The following ZNF76 variants were observed in gnomAD, a reference collection of about 807,000 sequenced individuals.
ZNF76 encodes the protein zinc finger protein 523.
Under a neutral mutation model 66.9 loss-of-function variants are expected in ZNF76, and 66 were observed. The observed-to-expected ratio is 0.99, with a 90% CI of 0.81 to 1.21. ZNF76 has a LOEUF of 1.21. Among genes scored for constraint, ZNF76 ranks in the 50% most tolerant of loss-of-function variants. ZNF76 has a pLI of 0.00. For synonymous variants in ZNF76, 275 were observed against 296.1 expected (o/e 0.93, Z 0.73); for missense variants, 729 against 760.3 (o/e 0.96, Z 0.48).
chr6:35,290,417 G>A, intron 6 of ZNF76, 35 bp downstream of exon 6: 4 of 1,609,540 alleles, frequency 2.5e-6, no homozygotes, highest in Non-Finnish European at 3.4e-6. Context: ...CAGCTCTGCA[G>A]TCTTCCCTCC....
chr6:35,267,018 C>A (rs1391235941), intron 1 of ZNF76, among the ~76,000 whole-genome samples: 1 of 151,930 alleles, frequency 6.6e-6, no homozygotes, highest in Non-Finnish European at 1.5e-5. Context: ...CCAGGATGGT[C>A]TCTATCTCCT....
intron 1 of ZNF76, among the ~76,000 whole-genome samples, chr6:35,269,239 C>G (rs1786619333): frequency 7.0e-6 from 1 of 143,822 alleles, no homozygotes; most frequent in African/African-American, 2.6e-5. Context: ...TAAGATCATG[C>G]CATTGCACTC....
In ZNF76 at chr6:35,290,695, T is replaced by C; in HGVS notation, c.604T>C (p.Cys202Arg). The change falls in exon 7 of 14, where the codon TGT (cysteine) becomes CGT (arginine). Residue 202 changes from cysteine (C) to arginine (R), a missense_variant. By Grantham distance (180) the Cys-to-Arg change is radical. Coordinates refer to ENST00000373953, the MANE Select transcript of ZNF76 (RefSeq NM_003427.5). ...DRPYRCDFPSCGKAFATGYGL... is the reference protein window; with the variant it reads ...DRPYRCDFPSRGKAFATGYGL... ...TCCATACAGATGTGACTTCCCCAGC[T>C]GTGGAAAGGCCTTTGCCACAGGTAA... is the stretch of plus-strand genomic sequence containing the variant. The C allele has an allele frequency of 3.1e-6, 5 of 1,614,240 alleles. No individual in the cohort carries two copies. Among genetic ancestry groups the C allele is most frequent in the Non-Finnish European group, 3.4e-6 (4 of 1,180,044 alleles).
chr6:35,280,997 T>G (rs1788694692), intron 1 of ZNF76, 59 bp from the exon 2 acceptor site: 3 of 722,262 alleles, frequency 4.2e-6, no homozygotes, highest in Non-Finnish European at 7.3e-6. Flanking sequence ...CTTCCCTGAG[T>G]GTCTTTGCGA....
At chr6:35,266,797 CTTTTTTT>C (rs57833954) in intron 1 of ZNF76, among the ~76,000 whole-genome samples, 6 of 93,280 alleles carry the variant, frequency 6.4e-5, no homozygotes, top group African/African-American at 8.4e-5. Flanking sequence ...TTGTCTATTT[CTTTTTTT>C]TTTTTTTTTT....
intron 7 of ZNF76, 178 bp downstream of exon 7, chr6:35,290,894 G>T: frequency 1.5e-6 from 1 of 648,016 alleles, no homozygotes. Flanking sequence ...AAGGCAGCAT[G>T]GTTCAGGCCA....
chr6:35,276,055 A>G (rs1433152190), intron 1 of ZNF76, among the ~76,000 whole-genome samples: 1 of 152,224 alleles, frequency 6.6e-6, no homozygotes, highest in Non-Finnish European at 1.5e-5. Flanking sequence ...ACAAGGTACT[A>G]TACCTCTAAG....
At chr6:35,270,082 C>T (rs572933459) in intron 1 of ZNF76, among the ~76,000 whole-genome samples, 1 of 152,184 alleles carries the variant, frequency 6.6e-6, no homozygotes, top group Non-Finnish European at 1.5e-5. Context: ...TTTAGACTTT[C>T]TATTTTTAAT....
At chr6:35,274,871 C>T (rs1489468573) in intron 1 of ZNF76, among the ~76,000 whole-genome samples, 2 of 152,158 alleles carry the variant, frequency 1.3e-5, no homozygotes, top group Admixed American at 6.5e-5. Flanking sequence ...AAAAGTGCAG[C>T]AGGCCGGGTG....
At position 35,287,111 on chromosome 6, in the gene ZNF76, A is replaced by G. The variant is rs1283134272; in HGVS notation, c.233-535A>G. ...GGGGGAAGAAAGAACAGCACATTCC[A>G]GGAACTGCTAGGAGCTAGAGCCCTG... On this transcript the variant is annotated intron_variant, in intron 4 of 13. Coordinates refer to ENST00000373953, the MANE Select transcript of ZNF76 (RefSeq NM_003427.5). This position sits in a 1 kb window ranked among gnomAD's most constrained non-coding sequence, Gnocchi z 4.0. Among the ~76,000 whole-genome samples, 1 of 152,200 alleles carries G rather than the reference A, an allele frequency of 6.6e-6. No homozygotes were observed. Among genetic ancestry groups the G allele is most frequent in the Non-Finnish European group, 1.5e-5 (1 of 68,034 alleles).
At chr6:35,268,702 G>C (rs1279783392) in intron 1 of ZNF76, among the ~76,000 whole-genome samples, 1 of 151,612 alleles carries the variant, frequency 6.6e-6, no homozygotes, top group Non-Finnish European at 1.5e-5. Context: ...GGACCCAGGA[G>C]GCGGAGGTTG....
In ZNF76 at chr6:35,295,428, G is replaced by A. The variant is rs1791058076; in HGVS notation, c.*180G>A. ...AATGGGGGCCCTGCTCAAGAAGGGGGCCAGGCAGCTGGAATCAGGGGAGTG... is the reference window on the plus strand; with the variant it reads ...AATGGGGGCCCTGCTCAAGAAGGGGACCAGGCAGCTGGAATCAGGGGAGTG... On this transcript the variant is annotated 3_prime_UTR_variant, in exon 14 of 14. Coordinates refer to ENST00000373953, the MANE Select transcript of ZNF76 (RefSeq NM_003427.5). The A allele has an allele frequency of 2.3e-5, 15 of 660,014 alleles. No individual in the cohort carries two copies. The highest frequency in any genetic ancestry group is 3.2e-5 in the South Asian group (2 of 62,744). The allele number at this position is 660,014 out of a possible 1,614,324, so 40.9% of individuals were successfully genotyped here.
chr6:35,274,548 GA>G (rs1445031018), intron 1 of ZNF76, among the ~76,000 whole-genome samples: 1 of 152,074 alleles, frequency 6.6e-6, no homozygotes, highest in Non-Finnish European at 1.5e-5. Context: ...TTGATTCATG[GA>G]GAGACCTAAA....
In ZNF76 at chr6:35,261,994, A is replaced by G. The variant is rs961105111; in HGVS notation, c.-97+2153A>G. Among the ~76,000 whole-genome samples, 15 of 152,226 alleles carry G rather than the reference A, an allele frequency of 9.9e-5. 1 individual carries two copies. The highest frequency in any genetic ancestry group is 8.5e-4 in the Admixed American group (13 of 15,290). On this transcript the variant is annotated intron_variant, in intron 1 of 13. Coordinates refer to ENST00000373953, the MANE Select transcript of ZNF76 (RefSeq NM_003427.5). ...AACAGATTTAATAAGAGAAGATTAT[A>G]TACATTTATTTAATGTAAGTTTTAT...
chr6:35,290,561 G>T (rs960808971), intron 6 of ZNF76, 80 bp from the exon 7 acceptor site: 94 of 1,556,630 alleles, frequency 6.0e-5, no homozygotes, highest in Non-Finnish European at 7.9e-5. Context: ...GGAGGGAAGA[G>T]AATCAGGGTC....
At position 35,291,726 on chromosome 6, in the gene ZNF76, G is replaced by T; in HGVS notation, c.920G>T (p.Arg307Leu). The change falls in exon 9 of 14, where the codon CGC (arginine) becomes CTC (leucine). Residue 307 changes from arginine (R) to leucine (L), a missense_variant. Coordinates refer to ENST00000373953, the MANE Select transcript of ZNF76 (RefSeq NM_003427.5). The stretch of plus-strand genomic sequence containing the variant: ...GCCACCAACTATAAGAATCACGTGC[G>T]CATCCACACAGGTGGGCTAGCTGGC... ...TSATNYKNHV[R>L]IHTGEKPYVC... is the part of the protein sequence containing the mutation. 2 of 1,608,518 alleles carry T rather than the reference G, an allele frequency of 1.2e-6. No homozygotes were observed. The highest frequency in any genetic ancestry group is 1.7e-6 in the Non-Finnish European group (2 of 1,179,976).
chr6:35,265,755 A>G (rs1181292636), intron 1 of ZNF76, among the ~76,000 whole-genome samples: 1 of 152,084 alleles, frequency 6.6e-6, no homozygotes, highest in African/African-American at 2.4e-5. Flanking sequence ...AAGCCAGCCA[A>G]TACGGCTGCA....
chr6:35,291,735 C>G lies in ZNF76; in HGVS notation c.929C>G (p.Thr310Arg), dbSNP rs1582189339. 6.2e-7 allele frequency: 1 copy of G among 1,607,012 alleles called. No individual in the cohort carries two copies. The highest frequency in any genetic ancestry group is 8.5e-7 in the Non-Finnish European group (1 of 1,179,980). Reference protein sequence around the residue: ...TNYKNHVRIHTGEKPYVCTVP... With the variant: ...TNYKNHVRIHRGEKPYVCTVP... ...TATAAGAATCACGTGCGCATCCACACAGGTGGGCTAGCTGGCATGCGAGGA... is the reference window on the plus strand; with the variant it reads ...TATAAGAATCACGTGCGCATCCACAGAGGTGGGCTAGCTGGCATGCGAGGA... Residue 310 changes from threonine to arginine, a missense_variant and splice_region_variant, in exon 9 of 14, where the codon ACA (threonine) becomes AGA (arginine). Transcript: ENST00000373953.
Position 35,292,022 on chromosome 6 carries a change from A to T in ZNF76, c.931+285A>T. 1 of 516,148 alleles carries T rather than the reference A, an allele frequency of 1.9e-6. No homozygotes were observed. Among genetic ancestry groups the T allele is most frequent in the Non-Finnish European group, 3.5e-6 (1 of 283,594 alleles). 32.0% of individuals were successfully genotyped at this position (516,148 alleles called of 1,614,324 possible). A position where few individuals can be genotyped will look rare whatever the true frequency, so the allele number is the denominator to read the frequency against. On this transcript the variant is annotated intron_variant, in intron 9 of 13. Coordinates refer to ENST00000373953, the MANE Select transcript of ZNF76 (RefSeq NM_003427.5). The surrounding 1 kb of genome is among the most constrained non-coding windows in gnomAD (Gnocchi z 4.7). ...CCCTGAGTTCTCCAACTCTGACTGA[A>T]CTCTTGAAAAGAGGCCAGGGTCAGG... is the stretch of plus-strand genomic sequence containing the variant.
Sources: gnomAD v4.1 joint callset for allele counts (sites outside exome capture counted in the v4.1 genomes callset) on GRCh38, gnomAD v4.1.1 for gene constraint, Gnocchi (gnomAD v3.1) non-coding constraint, MANE v1.5 for transcripts, NCBI Gene and HGNC (gene_info 2026-07-23, HGNC 2026-07-21) for gene names.